The following TRABD variants were observed in gnomAD, a reference collection of about 807,000 sequenced individuals.
TRABD encodes traB domain-containing protein.
Under a neutral mutation model 39.6 loss-of-function variants are expected in TRABD, and 23 were observed. That is an observed-to-expected ratio of 0.58 (90% CI 0.42 to 0.82). The LOEUF is 0.82. TRABD is among the 40% of genes least tolerant of loss of function. The pLI is 0.00. For synonymous variants in TRABD, 243 were observed against 232.1 expected, an observed-to-expected ratio of 1.05 and a Z score of -0.43; for missense variants, 487 against 544.9, an observed-to-expected ratio of 0.89 and a Z score of 1.06.
intron 7 of TRABD, 60 bp from the exon 8 acceptor site, chr22:50,197,763 A>AGGGCCCCCCCCCCCCCCCCCGT: frequency 6.9e-7 from 1 of 1,439,776 alleles, no homozygotes; most frequent in Non-Finnish European, 9.7e-7. Flanking sequence ...CCACAGTGCC[A>AGGGCCCCCCCCCCCCCCCCCGT]GCCCCACCCC....
At chr22:50,194,607 G>C in intron 4 of TRABD, 101 bp downstream of exon 4, 1 of 1,495,512 alleles carries the variant, frequency 6.7e-7, no homozygotes, top group South Asian at 1.2e-5. Flanking sequence ...CCGTGTGTGC[G>C]CACCGCAGGC....
rs1569091915 is a variant in TRABD at position 50,198,089 on chromosome 22, T to C, written c.859T>C (p.Cys287Arg). 1 of 1,612,580 alleles carries C rather than the reference T, an allele frequency of 6.2e-7. No homozygotes were observed. The highest frequency in any genetic ancestry group is 8.5e-7 in the Non-Finnish European group (1 of 1,179,700). ...CTTCCCCACAGCCGAGCCCAGGAAG[T>C]GCGTCCCCTCCGTGGTCGTGGGCGT... ...PRASDAEPRK[C>R]VPSVVVGVVG... is the part of the protein sequence containing the mutation. Residue 287 changes from cysteine (C) to arginine (R), a missense_variant, in exon 9 of 10, where the codon TGC becomes CGC. Physicochemically the swap from Cys to Arg is radical, Grantham distance 180 (BLOSUM62 -3). Transcript: ENST00000380909. The surrounding 1 kb of genome is among the most constrained non-coding windows in gnomAD (Gnocchi z 7.9).
At chr22:50,194,285 C>T (rs369827652) in intron 3 of TRABD, 55 bp from the exon 4 acceptor site, 22 of 1,580,954 alleles carry the variant, frequency 1.4e-5, no homozygotes, top group Admixed American at 3.6e-5. Flanking sequence ...CCAGCGGGCC[C>T]GGCGGCGTCC....
At chr22:50,196,707 T>G (rs900011588) in intron 5 of TRABD, among the ~76,000 whole-genome samples, 2 of 150,870 alleles carry the variant, frequency 1.3e-5, no homozygotes, top group Non-Finnish European at 3.0e-5. Context: ...CTTTTCTTCT[T>G]CTTTTTTTTT....
chr22:50,189,276 C>T (rs978233053), intron 1 of TRABD, among the ~76,000 whole-genome samples: 2 of 152,222 alleles, frequency 1.3e-5, no homozygotes, highest in Admixed American at 1.3e-4. Flanking sequence ...CAGGTTCCCG[C>T]CTTAAACGGC....
chr22:50,198,348 GC>G lies in TRABD; in HGVS notation c.965del (p.Pro322ArgfsTer13), dbSNP rs2147143691. 2 of 1,566,780 alleles carry G rather than the reference GC, an allele frequency of 1.3e-6. No individual in the cohort carries two copies. On this transcript the variant is annotated frameshift_variant, in exon 10 of 10. Transcript: ENST00000380909. LOFTEE classifies it high-confidence loss of function. This position sits in a 1 kb window ranked among gnomAD's most constrained non-coding sequence, Gnocchi z 7.9. ...CAGCGCCCCCTCCCTCCCACAGCGT[GC>G]CCCCGCCGTCCGTCTCCGGCAGAGT... is the stretch of plus-strand genomic sequence containing the variant. ...DLNIQEIMTV[P>X]PPSVSGRVSR...
intron 4 of TRABD, 93 bp downstream of exon 4, chr22:50,194,599 G>T: frequency 1.3e-6 from 2 of 1,517,586 alleles, no homozygotes; most frequent in Non-Finnish European, 1.8e-6. Context: ...CCGTGTGCCC[G>T]TGTGTGCGCA....
At position 50,196,470 on chromosome 22, in the gene TRABD, C is replaced by A. The variant is rs141511494; in HGVS notation, c.421-771C>A. ...TTCTGTGGGCATCATCTCCTTCACACGTGGACACCCCCGTGGTGCCAGCCG... is the reference window on the plus strand; with the variant it reads ...TTCTGTGGGCATCATCTCCTTCACAAGTGGACACCCCCGTGGTGCCAGCCG... On this transcript the variant is annotated intron_variant, in intron 5 of 9. Transcript: ENST00000380909. Among the ~76,000 whole-genome samples the A allele has an allele frequency of 9.6e-3, 1,455 of 152,346 alleles. 15 individuals are homozygous for A. Among genetic ancestry groups the A allele is most frequent in the Non-Finnish European group, 0.016 (1,075 of 68,034 alleles).
chr22:50,198,987 C>T lies in TRABD; in HGVS notation c.*468C>T, dbSNP rs1438631191. 1.3e-5 allele frequency: 8 copies of T among 634,564 alleles called. No homozygotes were observed. The highest frequency in any genetic ancestry group is 8.4e-5 in the East Asian group (3 of 35,674). The allele number at this position is 634,564 out of a possible 1,614,324, so 39.3% of individuals were successfully genotyped here. On this transcript the variant is annotated 3_prime_UTR_variant, in exon 10 of 10. Coordinates refer to ENST00000380909, the MANE Select transcript of TRABD (RefSeq NM_001320485.2). This position sits in a 1 kb window ranked among gnomAD's most constrained non-coding sequence, Gnocchi z 7.9. ...AAAGGCCCAGCCCTGGAGCTCCAGCCGACCCCACCGTGCCCCTGGCATCCT... is the reference window on the plus strand; with the variant it reads ...AAAGGCCCAGCCCTGGAGCTCCAGCTGACCCCACCGTGCCCCTGGCATCCT...
At position 50,195,109 on chromosome 22, in the gene TRABD, G is replaced by C. The variant is rs979883138; in HGVS notation, c.420+69G>C. The C allele has an allele frequency of 2.0e-6, 3 of 1,488,620 alleles. No individual in the cohort carries two copies. In the African/African-American group the frequency reaches 4.2e-5, roughly 21 times the overall value. 92.2% of individuals were successfully genotyped at this position (1,488,620 alleles called of 1,614,324 possible). ...AGCCACCTGTTTGCCTGTTGCCCAG[G>C]TTCCTCTCACAGCCCATGCCCCCAG... On this transcript the variant is annotated intron_variant, in intron 5 of 9. Coordinates refer to ENST00000380909, the MANE Select transcript of TRABD (RefSeq NM_001320485.2).
chr22:50,193,719 G>A, intron 3 of TRABD, 65 bp downstream of exon 3: 1 of 1,515,754 alleles, frequency 6.6e-7, no homozygotes, highest in Non-Finnish European at 9.2e-7. Context: ...GGAGGAGGGG[G>A]AGGCAGCCAA....
In TRABD at chr22:50,198,676, C is replaced by T. The variant is rs2064218801; in HGVS notation, c.*157C>T. ...CCTCCTGGGCCAGTCACCCCTCCCC[C>T]AGCCCACCCAAATAAAGGATTATTT... On this transcript the variant is annotated 3_prime_UTR_variant, in exon 10 of 10. Coordinates refer to ENST00000380909, the MANE Select transcript of TRABD (RefSeq NM_001320485.2). The surrounding 1 kb of genome is among the most constrained non-coding windows in gnomAD (Gnocchi z 7.9). 1.5e-6 allele frequency: 1 copy of T among 669,036 alleles called. No homozygotes were observed. Among genetic ancestry groups the T allele is most frequent in the African/African-American group, 1.9e-5 (1 of 53,232 alleles). The allele number at this position is 669,036 out of a possible 1,614,324, so 41.4% of individuals were successfully genotyped here. A position where few individuals can be genotyped will look rare whatever the true frequency, so the allele number is the denominator to read the frequency against.
rs1487567493 is a variant in TRABD at position 50,198,696 on chromosome 22, T to A, written c.*177T>A. On this transcript the variant is annotated 3_prime_UTR_variant, in exon 10 of 10. Transcript: ENST00000380909. This position sits in a 1 kb window ranked among gnomAD's most constrained non-coding sequence, Gnocchi z 7.9. ...TCCCCCAGCCCACCCAAATAAAGGA[T>A]TATTTAACTGTCTGAGCTCAGGCCT... is the stretch of plus-strand genomic sequence containing the variant. 5 of 618,362 alleles carry A rather than the reference T, an allele frequency of 8.1e-6. No homozygotes were observed. Among genetic ancestry groups the A allele is most frequent in the Non-Finnish European group, 1.3e-5 (5 of 374,878 alleles). 38.3% of individuals were successfully genotyped at this position (618,362 alleles called of 1,614,324 possible). A position where few individuals can be genotyped will look rare whatever the true frequency, so the allele number is the denominator to read the frequency against.
At chr22:50,190,843 G>A (rs1344338247) in intron 1 of TRABD, among the ~76,000 whole-genome samples, 1 of 152,250 alleles carries the variant, frequency 6.6e-6, no homozygotes, top group Non-Finnish European at 1.5e-5. Flanking sequence ...CTACAAAAGG[G>A]GAAGGAGGCG....
At chr22:50,187,225 G>C (rs1488593816) in intron 1 of TRABD, among the ~76,000 whole-genome samples, 1 of 152,264 alleles carries the variant, frequency 6.6e-6, no homozygotes, top group Non-Finnish European at 1.5e-5. Context: ...TGCATTGACT[G>C]TGACCAGGTC....
In TRABD at chr22:50,186,505, G is replaced by A. The variant is rs535467159; in HGVS notation, c.-35+529G>A. Reference sequence around the variant, plus strand: ...GTCAGCGGCGGCCTCGCGGGAAGGCGCGGGTCGGACCTCGAGTCCCAGGGT... The same window carrying A: ...GTCAGCGGCGGCCTCGCGGGAAGGCACGGGTCGGACCTCGAGTCCCAGGGT... On this transcript the variant is annotated intron_variant, in intron 1 of 9. Coordinates refer to ENST00000380909, the MANE Select transcript of TRABD (RefSeq NM_001320485.2). 5.4e-4 allele frequency among the ~76,000 whole-genome samples: 82 copies of A among 152,248 alleles called. 1 individual carries two copies. The Middle Eastern group carries it at 0.01, about 19-fold the overall frequency.
At chr22:50,196,661 C>T (rs1228876017) in intron 5 of TRABD, among the ~76,000 whole-genome samples, 1 of 152,020 alleles carries the variant, frequency 6.6e-6, no homozygotes, top group Non-Finnish European at 1.5e-5. Flanking sequence ...CAGCTCAAGG[C>T]GGCCCCTTCG....
chr22:50,197,190 C>CGCGGGGGGG lies in TRABD; in HGVS notation c.421-49_421-48insGGGGGGGGC. ...CATCCCAGTTCTGCCATTCCCCCAG[C>CGCGGGGGGG]GCACCCCCGCACCCGCCCCTCCAGC... is the stretch of plus-strand genomic sequence containing the variant. On this transcript the variant is annotated intron_variant, in intron 5 of 9. Transcript: ENST00000380909. 1.9e-6 allele frequency: 3 copies of CGCGGGGGGG among 1,549,324 alleles called. No homozygotes were observed. The African/African-American group carries it at 4.1e-5, about 21-fold the overall frequency.
chr22:50,195,174 G>T, intron 5 of TRABD, 134 bp downstream of exon 5: 1 of 1,179,722 alleles, frequency 8.5e-7, no homozygotes, highest in East Asian at 2.6e-5. Flanking sequence ...GGATTGCCGG[G>T]TTAGGGACCT....
Sources: gnomAD v4.1 joint callset for allele counts (sites outside exome capture counted in the v4.1 genomes callset) on GRCh38, gnomAD v4.1.1 for gene constraint, Gnocchi (gnomAD v3.1) non-coding constraint, MANE v1.5 for transcripts, NCBI Gene and HGNC (gene_info 2026-07-23, HGNC 2026-07-21) for gene names.